The following CNTNAP2 variants were observed in gnomAD, a reference collection of about 807,000 sequenced individuals.
The protein encoded by CNTNAP2 is contactin-associated protein-like 2.
CNTNAP2 carries 98 observed loss-of-function variants against 155.2 expected under a neutral mutation model. That is an observed-to-expected ratio of 0.63 (90% CI 0.54 to 0.75). The LOEUF (loss-of-function observed/expected upper bound fraction) is 0.75. CNTNAP2 is among the 30% of genes least tolerant of loss of function. The pLI, the probability that CNTNAP2 is intolerant of heterozygous loss-of-function variation, is 0.00. For missense variants in CNTNAP2, 1,727 were observed against 1,688.1 expected, an observed-to-expected ratio of 1.02 and a Z score of -0.40; for synonymous variants, 651 against 631.2, an observed-to-expected ratio of 1.03 and a Z score of -0.47.
chr7:148,228,827 CAAAAA>C (rs10657103), intron 19 of CNTNAP2, among the ~76,000 whole-genome samples: 2 of 118,700 alleles, frequency 1.7e-5, no homozygotes, highest in African/African-American at 6.6e-5. Flanking sequence ...GACTCTGTTT[CAAAAA>C]AAAAAAAAAA....
At chr7:147,265,314 T>C (rs568460446) in intron 8 of CNTNAP2, among the ~76,000 whole-genome samples, 1 of 152,338 alleles carries the variant, frequency 6.6e-6, no homozygotes, top group Non-Finnish European at 1.5e-5. Flanking sequence ...CATTTTTTCC[T>C]CTGCTGGTGC....
chr7:148,046,831 A>G (rs1346042382), intron 15 of CNTNAP2, among the ~76,000 whole-genome samples: 1 of 152,238 alleles, frequency 6.6e-6, no homozygotes, highest in Non-Finnish European at 1.5e-5. Flanking sequence ...TGTTTCAAAC[A>G]CAGAAGAATG....
intron 13 of CNTNAP2, among the ~76,000 whole-genome samples, chr7:147,842,675 C>T (rs1798772132): frequency 9.9e-6 from 1 of 100,512 alleles, no homozygotes; most frequent in Admixed American, 1.2e-4. Flanking sequence ...ATGTGCCATG[C>T]TGGTGCGCTG....
chr7:148,261,264 G>A (rs753660434), intron 20 of CNTNAP2, among the ~76,000 whole-genome samples: 35 of 152,194 alleles, frequency 2.3e-4, no homozygotes, highest in Non-Finnish European at 3.4e-4. Context: ...GGGTTCAAGC[G>A]AGTCTCCTGC....
intron 3 of CNTNAP2, among the ~76,000 whole-genome samples, chr7:146,856,348 A>C (rs1794987150): frequency 6.6e-6 from 1 of 152,080 alleles, no homozygotes; most frequent in Non-Finnish European, 1.5e-5. Context: ...ATACATAGGC[A>C]GGCAATAGAT....
At chr7:146,395,115 T>C (rs971294256) in intron 1 of CNTNAP2, among the ~76,000 whole-genome samples, 3 of 152,240 alleles carry the variant, frequency 2.0e-5, no homozygotes, top group African/African-American at 7.2e-5. Context: ...TATATACATA[T>C]ATACCACATT....
chr7:146,949,976 A>G (rs1343205511), intron 3 of CNTNAP2, among the ~76,000 whole-genome samples: 1 of 152,144 alleles, frequency 6.6e-6, no homozygotes, highest in Non-Finnish European at 1.5e-5. Context: ...ATTTAGCAAA[A>G]ATTGGTGCTC....
At chr7:147,738,054 A>T (rs1301449146) in intron 13 of CNTNAP2, among the ~76,000 whole-genome samples, 1 of 152,134 alleles carries the variant, frequency 6.6e-6, no homozygotes, top group Non-Finnish European at 1.5e-5. Context: ...ATCCCCAGTG[A>T]GATGAACCCA....
chr7:147,152,738 T>C (rs999885092), intron 8 of CNTNAP2, among the ~76,000 whole-genome samples: 13 of 152,170 alleles, frequency 8.5e-5, no homozygotes, highest in African/African-American at 3.1e-4. Context: ...GACAAATATA[T>C]ACTGTAAACA....
In CNTNAP2 at chr7:146,783,928, A is replaced by G. The variant is rs143526773; in HGVS notation, c.208+9547A>G. ...TTGCTTTTATAAAATTTAGCTAAAC[A>G]TTGTGCGGATCACGGGCTTTCAATG... On this transcript the variant is annotated intron_variant, in intron 2 of 23. Coordinates refer to ENST00000361727, the MANE Select transcript of CNTNAP2 (RefSeq NM_014141.6). Among the ~76,000 whole-genome samples, 1,056 of 152,346 alleles carry G rather than the reference A, an allele frequency of 6.9e-3. 9 individuals carry two copies. Among genetic ancestry groups the G allele is most frequent in the South Asian group, 0.015 (70 of 4,826 alleles).
chr7:146,950,729 T>C lies in CNTNAP2; in HGVS notation c.403-93178T>C, dbSNP rs533649336. Among the ~76,000 whole-genome samples the C allele has an allele frequency of 4.6e-5, 7 of 152,308 alleles. No homozygotes were observed. In the East Asian group the frequency reaches 1.4e-3, roughly 29 times the overall value. On this transcript the variant is annotated intron_variant, in intron 3 of 23. Coordinates refer to ENST00000361727, the MANE Select transcript of CNTNAP2 (RefSeq NM_014141.6). ...CTGGGCTGGTTCCAAGTCTTTGCTA[T>C]TGTGGATAGTGCTGCAATAAACAGA...
At chr7:146,940,662 G>A (rs1205498634) in intron 3 of CNTNAP2, among the ~76,000 whole-genome samples, 1 of 151,610 alleles carries the variant, frequency 6.6e-6, no homozygotes, top group East Asian at 1.9e-4. Context: ...CACAGAGATT[G>A]TGACTACACA....
intron 9 of CNTNAP2, among the ~76,000 whole-genome samples, chr7:147,346,309 C>G (rs982416754): frequency 2.0e-5 from 3 of 150,834 alleles, no homozygotes; most frequent in Non-Finnish European, 4.4e-5. Context: ...CGCCCGCCAC[C>G]GCGCCCGGCT....
chr7:146,459,973 C>CA (rs1796611908), intron 1 of CNTNAP2, among the ~76,000 whole-genome samples: 1 of 151,692 alleles, frequency 6.6e-6, no homozygotes, highest in Non-Finnish European at 1.5e-5. Flanking sequence ...CCATCTCAAA[C>CA]AAAAAACAAA....
At chr7:147,925,154 AGAAGGAAGGAAG>A (rs144682428) in intron 14 of CNTNAP2, among the ~76,000 whole-genome samples, 662 of 63,278 alleles carry the variant, frequency 0.01, 10 homozygotes, top group African/African-American at 0.037. Flanking sequence ...AGAGAGAGAG[AGAAGGAAGGAAG>A]GAAGGAAGGA....
chr7:146,175,543 T>G (rs1798457853), intron 1 of CNTNAP2, among the ~76,000 whole-genome samples: 1 of 152,180 alleles, frequency 6.6e-6, no homozygotes, highest in Non-Finnish European at 1.5e-5. Context: ...AAGAGTGTAA[T>G]CTTTGTAGCT....
chr7:146,132,025 A>G (rs1797721830), intron 1 of CNTNAP2, among the ~76,000 whole-genome samples: 1 of 152,140 alleles, frequency 6.6e-6, no homozygotes, highest in Admixed American at 6.6e-5. Flanking sequence ...GAGTCAATTA[A>G]ACTTTCTTTG....
intron 10 of CNTNAP2, among the ~76,000 whole-genome samples, chr7:147,413,554 G>A (rs925260684): frequency 3.9e-5 from 6 of 151,956 alleles, no homozygotes; most frequent in African/African-American, 1.5e-4. Flanking sequence ...GTGAGCGTGG[G>A]GTGCAGAGAA....
At chr7:146,592,594 C>G (rs1463934997) in intron 1 of CNTNAP2, among the ~76,000 whole-genome samples, 2 of 152,140 alleles carry the variant, frequency 1.3e-5, no homozygotes. Context: ...TTCCTACTTT[C>G]TGATAAAGAA....
Sources: allele counts gnomAD v4.1 joint callset (sites outside exome capture counted in the v4.1 genomes callset), GRCh38; gene constraint gnomAD v4.1.1; transcripts MANE v1.5; gene names NCBI Gene and HGNC (gene_info 2026-07-23, HGNC 2026-07-21).